NAALADL2: variants seen among roughly 807,000 people sequenced by gnomAD.
NAALADL2 encodes inactive N-acetylated-alpha-linked acidic dipeptidase-like protein 2.
A neutral mutation model predicts 87.2 loss-of-function variants in NAALADL2; 76 were observed. The ratio of observed to expected loss-of-function variants is 0.87; its 90% CI spans 0.72 to 1.05. NAALADL2 has a LOEUF of 1.05. Ranked by LOEUF, NAALADL2 falls within the 50% of genes least tolerant of loss-of-function variation. NAALADL2 has a pLI of 0.00. For synonymous variants in NAALADL2, 354 were observed against 331.0 expected (o/e 1.07, Z -0.75); for missense variants, 1,089 against 945.8 (o/e 1.15, Z -1.99).
intron 3 of NAALADL2, among the ~76,000 whole-genome samples, chr3:174,842,199 G>A (rs548445097): frequency 6.6e-6 from 1 of 151,970 alleles, no homozygotes; most frequent in East Asian, 1.9e-4. Flanking sequence ...TTACAGCCAT[G>A]CACCACCACG....
chr3:174,805,574 A>T (rs528142059), intron 3 of NAALADL2, among the ~76,000 whole-genome samples: 2 of 152,176 alleles, frequency 1.3e-5, no homozygotes, highest in Admixed American at 1.3e-4. Flanking sequence ...TCAGGAATTA[A>T]TATAGATTAG....
intron 1 of NAALADL2, among the ~76,000 whole-genome samples, chr3:174,468,789 T>G (rs1261870797): frequency 2.8e-5 from 4 of 144,760 alleles, no homozygotes; most frequent in African/African-American, 5.2e-5. Flanking sequence ...TGAGACGGAG[T>G]CTCACTCTTG....
chr3:175,047,386 A>AT, intron 1 of NAALADL2, among the ~76,000 whole-genome samples: 1 of 152,194 alleles, frequency 6.6e-6, no homozygotes. Context: ...TTGATATGTA[A>AT]TTTTTTTTAA....
intron 2 of NAALADL2, among the ~76,000 whole-genome samples, chr3:174,580,931 G>A (rs1016187875): frequency 1.3e-5 from 2 of 152,028 alleles, no homozygotes; most frequent in African/African-American, 2.4e-5. Context: ...AAGTGGTTGT[G>A]CCATTTTACA....
chr3:175,131,852 C>T (rs1236459522), intron 2 of NAALADL2, among the ~76,000 whole-genome samples: 7 of 73,290 alleles, frequency 9.6e-5, no homozygotes, highest in Admixed American at 5.6e-4. Context: ...CCGGACGGGG[C>T]GGCTGGCCGG....
intron 10 of NAALADL2, among the ~76,000 whole-genome samples, chr3:175,625,516 T>G (rs1016565496): frequency 2.6e-5 from 4 of 152,030 alleles, no homozygotes; most frequent in African/African-American, 9.7e-5. Flanking sequence ...TCATTTAAAC[T>G]GTGCGTAGTG....
intron 1 of NAALADL2, among the ~76,000 whole-genome samples, chr3:174,987,568 CAAAAAAAAAAAAA>C (rs1159602995): frequency 0.061 from 1,265 of 20,600 alleles, 51 homozygotes; most frequent in African/African-American, 0.12. Flanking sequence ...GACTCCGTCT[CAAAAAAAAAAAAA>C]AAAAAAAAAA....
intron 2 of NAALADL2, among the ~76,000 whole-genome samples, chr3:175,199,855 TATATATATA>T (rs1293632375): frequency 3.8e-4 from 9 of 23,958 alleles, no homozygotes; most frequent in South Asian, 1.5e-3. Context: ...TATATATATA[TATATATATA>T]TTTTTTTTTT....
intron 4 of NAALADL2, chr3:175,256,857 T>A (rs73184704): frequency 0.16 from 25,882 of 166,228 alleles, 2,230 homozygotes; most frequent in Admixed American, 0.25. Context: ...TAGTAAAAAA[T>A]GAGAACCACC....
intron 1 of NAALADL2, among the ~76,000 whole-genome samples, chr3:174,941,542 G>A (rs899207865): frequency 6.6e-6 from 1 of 152,020 alleles, no homozygotes; most frequent in Non-Finnish European, 1.5e-5. Flanking sequence ...TTCGGGTCCT[G>A]AATATCTTTG....
chr3:174,982,390 A>G (rs1296596060), intron 1 of NAALADL2, among the ~76,000 whole-genome samples: 1 of 152,158 alleles, frequency 6.6e-6, no homozygotes, highest in Non-Finnish European at 1.5e-5. Flanking sequence ...CTCAGTACTC[A>G]ATATGTAGAC....
intron 2 of NAALADL2, among the ~76,000 whole-genome samples, chr3:175,184,184 T>C (rs1020490655): frequency 6.6e-6 from 1 of 152,134 alleles, no homozygotes; most frequent in African/African-American, 2.4e-5. Context: ...ATTTTCATTG[T>C]AGGATCAACG....
In NAALADL2 at chr3:175,635,445, G is replaced by A. The variant is rs1728382979; in HGVS notation, c.1896+8059G>A. Among the ~76,000 whole-genome samples, 3 of 152,064 alleles carry A rather than the reference G, an allele frequency of 2.0e-5. No homozygotes were observed. The South Asian group carries it at 6.2e-4, about 31-fold the overall frequency. On this transcript the variant is annotated intron_variant, in intron 11 of 13. Transcript: ENST00000454872. ...AAAATCTTATAAATATATAAAGACT[G>A]ATTTCGACATGTATTTGTTACAGAA...
At chr3:175,788,955 T>C (rs1010736798) in intron 13 of NAALADL2, among the ~76,000 whole-genome samples, 2 of 152,274 alleles carry the variant, frequency 1.3e-5, no homozygotes, top group Middle Eastern at 3.4e-3. Flanking sequence ...GAAGGGAAGA[T>C]AAAATATTCA....
intron 1 of NAALADL2, among the ~76,000 whole-genome samples, chr3:174,448,997 T>A (rs1016217588): frequency 1.3e-5 from 2 of 152,194 alleles, no homozygotes; most frequent in African/African-American, 4.8e-5. Flanking sequence ...ACCATAAACA[T>A]CAGTTCTATA....
intron 13 of NAALADL2, among the ~76,000 whole-genome samples, chr3:175,787,337 C>G (rs368854683): frequency 6.6e-6 from 1 of 152,250 alleles, no homozygotes; most frequent in Admixed American, 6.5e-5. Flanking sequence ...AGTTTGATCT[C>G]AGACTGCTGT....
chr3:175,535,914 C>G (rs1435625947), intron 9 of NAALADL2, among the ~76,000 whole-genome samples: 1 of 152,136 alleles, frequency 6.6e-6, no homozygotes, highest in Admixed American at 6.5e-5. Context: ...TGTCAGCACA[C>G]TTATGTGAAA....
intron 2 of NAALADL2, among the ~76,000 whole-genome samples, chr3:174,681,210 T>C (rs981275504): frequency 5.3e-5 from 8 of 152,144 alleles, no homozygotes; most frequent in African/African-American, 1.9e-4. Flanking sequence ...CAAGCCTCAG[T>C]ACCACAGGCT....
At chr3:175,064,100 C>T (rs902702015) in intron 1 of NAALADL2, among the ~76,000 whole-genome samples, 14 of 152,074 alleles carry the variant, frequency 9.2e-5, no homozygotes, top group African/African-American at 2.7e-4. Context: ...TTCAACCTGT[C>T]GTTGTCTAGA....
Sources: gnomAD v4.1 joint callset for allele counts (sites outside exome capture counted in the v4.1 genomes callset) on GRCh38, gnomAD v4.1.1 for gene constraint, MANE v1.5 for transcripts, NCBI Gene and HGNC (gene_info 2026-07-23, HGNC 2026-07-21) for gene names.